KMT2A: variants seen among roughly 807,000 people sequenced by gnomAD.
The protein encoded by KMT2A is lysine methyltransferase 2A, also known as histone-lysine N-methyltransferase 2A.
A neutral mutation model predicts 345.3 loss-of-function variants in KMT2A; 16 were observed. That is an observed-to-expected ratio of 0.05 (90% CI 0.03 to 0.07). The LOEUF (loss-of-function observed/expected upper bound fraction) is 0.07. Ranked by LOEUF, KMT2A falls within the 10% of genes least tolerant of loss-of-function variation. The pLI, the probability that KMT2A is intolerant of heterozygous loss-of-function variation, is 1.00. For missense variants in KMT2A, 3,272 were observed against 4,841.6 expected, an observed-to-expected ratio of 0.68 and a Z score of 9.62; for synonymous variants, 1,599 against 1,778.6, an observed-to-expected ratio of 0.90 and a Z score of 2.54.
Position 118,490,380 on chromosome 11 carries a change from T to C in KMT2A, c.4696+131T>C. ...AAGGATACCATTTAGACACATTTCC[T>C]AAGTTCCTGTTTAGAACTTAGCAAC... On this transcript the variant is annotated intron_variant, in intron 13 of 35. Coordinates refer to ENST00000534358, the MANE Select transcript of KMT2A (RefSeq NM_001197104.2). The surrounding 1 kb of genome is among the most constrained non-coding windows in gnomAD (Gnocchi z 4.2). 1 of 1,008,040 alleles carries C rather than the reference T, an allele frequency of 9.9e-7. No individual in the cohort carries two copies. The highest frequency in any genetic ancestry group is 1.4e-6 in the Non-Finnish European group (1 of 726,944). 62.4% of individuals were successfully genotyped at this position (1,008,040 alleles called of 1,614,324 possible).
At chr11:118,516,612 C>A (rs1950820538) in intron 31 of KMT2A, among the ~76,000 whole-genome samples, 1 of 152,158 alleles carries the variant, frequency 6.6e-6, no homozygotes, top group South Asian at 2.1e-4. Context: ...AGGTACCTTG[C>A]CTGTCTTGCT....
chr11:118,498,564 AAG>A lies in KMT2A; in HGVS notation c.5961+38_5961+39del. ...TTTAGTTGCTTTAAAAAAAAAAAAA[AAG>A]ACTTTTTTAGAGCAGTTTTAGGTTC... On this transcript the variant is annotated intron_variant, in intron 22 of 35. Coordinates refer to ENST00000534358, the MANE Select transcript of KMT2A (RefSeq NM_001197104.2). The surrounding 1 kb of genome is among the most constrained non-coding windows in gnomAD (Gnocchi z 4.4). 6.4e-7 allele frequency: 1 copy of A among 1,554,180 alleles called. No individual in the cohort carries two copies. The highest frequency in any genetic ancestry group is 8.6e-7 in the Non-Finnish European group (1 of 1,156,304).
At position 118,481,882 on chromosome 11, in the gene KMT2A, G is replaced by A. The variant is rs1247990184; in HGVS notation, c.3802G>A (p.Glu1268Lys). The change falls in exon 7 of 36, where the codon GAG becomes AAG. Residue 1268 changes from glutamate to lysine, a missense_variant. This residue lies in a region of KMT2A where 168 missense variants were observed against 216.0 expected (regional missense o/e 0.78). Coordinates refer to ENST00000534358, the MANE Select transcript of KMT2A (RefSeq NM_001197104.2). ...TGAGCCTCCTCCACGAAAGCCCGTC[G>A]AGGAAAAGAGTGAAGAAGGGAATGT... is the stretch of plus-strand genomic sequence containing the variant. Reference protein sequence around the residue: ...SSEPPPRKPVEEKSEEGNVSA... With the variant: ...SSEPPPRKPVKEKSEEGNVSA... 3 of 1,614,160 alleles carry A rather than the reference G, an allele frequency of 1.9e-6. No homozygotes were observed. The highest frequency in any genetic ancestry group is 1.1e-5 in the South Asian group (1 of 91,082).
intron 10 of KMT2A, among the ~76,000 whole-genome samples, chr11:118,488,031 T>A (rs2134325137): frequency 6.6e-6 from 1 of 152,154 alleles, no homozygotes; most frequent in East Asian, 1.9e-4. Context: ...ATACAAAAAA[T>A]TAGCCAGGTG....
In KMT2A at chr11:118,501,084, A is replaced by G; in HGVS notation, c.6256A>G (p.Ile2086Val). The change falls in exon 25 of 36, where the codon ATC (isoleucine) becomes GTC (valine). Residue 2086 changes from isoleucine to valine, a missense_variant. Coordinates refer to ENST00000534358, the MANE Select transcript of KMT2A (RefSeq NM_001197104.2). ...ECRPPVVEPD[I>V]NSTVEHDENR... ...CCGTCCTCCAGTCGTAGAGCCGGAT[A>G]TCAACAGCACTGTTGAACATGATGA... The G allele has an allele frequency of 6.2e-7, 1 of 1,614,086 alleles. No individual in the cohort carries two copies. Among genetic ancestry groups the G allele is most frequent in the Non-Finnish European group, 8.5e-7 (1 of 1,179,942 alleles).
Position 118,468,820 on chromosome 11 carries a change from C to G in KMT2A, c.478C>G (p.Arg160Gly), listed in dbSNP as rs1555034779. Residue 160 changes from arginine to glycine, a missense_variant, in exon 2 of 36, where the codon CGA (arginine) becomes GGA (glycine). This residue lies in a region of KMT2A where 412 missense variants were observed against 511.0 expected (regional missense o/e 0.81). Transcript: ENST00000534358. Reference sequence around the variant, plus strand: ...TGGCTCAGATGAAGAAGTCAGAGTGCGAAGTCCCACAAGGTCTCCTTCAGG... The same window carrying G: ...TGGCTCAGATGAAGAAGTCAGAGTGGGAAGTCCCACAAGGTCTCCTTCAGG... ...GFGSDEEVRV[R>G]SPTRSPSVKT... The G allele has an allele frequency of 6.2e-7, 1 of 1,612,852 alleles. No individual in the cohort carries two copies. The highest frequency in any genetic ancestry group is 8.5e-7 in the Non-Finnish European group (1 of 1,179,100).
chr11:118,439,210 T>G (rs985329641), intron 1 of KMT2A: 12 of 391,972 alleles, frequency 3.1e-5, no homozygotes, highest in Non-Finnish European at 5.5e-5. Context: ...ATTTACCTGC[T>G]TATTTTCAAA....
intron 10 of KMT2A, among the ~76,000 whole-genome samples, chr11:118,486,590 A>G (rs539862844): frequency 6.6e-6 from 1 of 152,190 alleles, no homozygotes; most frequent in African/African-American, 2.4e-5. Flanking sequence ...AAGAAAATCC[A>G]CGTCGGGTGC....
chr11:118,464,086 G>A (rs1434442813), intron 1 of KMT2A, among the ~76,000 whole-genome samples: 5 of 152,216 alleles, frequency 3.3e-5, no homozygotes, highest in East Asian at 1.9e-4. Context: ...ACAAGATGAT[G>A]TTGAAGATGA....
Position 118,503,983 on chromosome 11 carries a change from G to A in KMT2A, c.8091G>A (p.Glu2697=). The change falls in exon 27 of 36, where the codon GAG becomes GAA. Residue 2697 remains glutamate, a synonymous_variant. Transcript: ENST00000534358. The surrounding 1 kb of genome is among the most constrained non-coding windows in gnomAD (Gnocchi z 5.3). ...FTRTVISSGG[E]ERLASHNLFR... is the part of the protein sequence containing the mutation. ...GAACAGTGATTTCTTCAGGTGGAGAGGAACGACTGGCATCCCATAATTTAT... is the reference window on the plus strand; with the variant it reads ...GAACAGTGATTTCTTCAGGTGGAGAAGAACGACTGGCATCCCATAATTTAT... 6.2e-7 allele frequency: 1 copy of A among 1,614,198 alleles called. No individual in the cohort carries two copies. The highest frequency in any genetic ancestry group is 1.7e-5 in the Admixed American group (1 of 60,014).
chr11:118,445,608 T>C (rs1254085576), intron 1 of KMT2A, among the ~76,000 whole-genome samples: 1 of 152,192 alleles, frequency 6.6e-6, no homozygotes, highest in African/African-American at 2.4e-5. Flanking sequence ...AATGCTGAAT[T>C]GTAGGTTGCA....
intron 1 of KMT2A, among the ~76,000 whole-genome samples, chr11:118,446,259 G>A (rs1369237786): frequency 6.6e-6 from 1 of 152,138 alleles, no homozygotes; most frequent in Non-Finnish European, 1.5e-5. Flanking sequence ...TGAGGCATGA[G>A]AATCGCTTGA....
At chr11:118,479,774 G>A (rs1322294639) in intron 5 of KMT2A, among the ~76,000 whole-genome samples, 1 of 152,168 alleles carries the variant, frequency 6.6e-6, no homozygotes, top group African/African-American at 2.4e-5. Flanking sequence ...TAGCATTATA[G>A]TGGTAGACAA....
chr11:118,437,654 A>G (rs548265332), intron 1 of KMT2A, among the ~76,000 whole-genome samples: 1 of 145,338 alleles, frequency 6.9e-6, no homozygotes, highest in Non-Finnish European at 1.5e-5. Context: ...GATAACGGTG[A>G]TTCCTCATAC....
chr11:118,502,393 T>C lies in KMT2A; in HGVS notation c.6506-5T>C, dbSNP rs1555045971. 3.2e-6 allele frequency: 5 copies of C among 1,568,672 alleles called. No homozygotes were observed. The highest frequency in any genetic ancestry group is 2.6e-6 in the Non-Finnish European group (3 of 1,158,956). On this transcript the variant is annotated splice_polypyrimidine_tract_variant and splice_region_variant and intron_variant, in intron 26 of 35. Coordinates refer to ENST00000534358, the MANE Select transcript of KMT2A (RefSeq NM_001197104.2). The surrounding 1 kb of genome is among the most constrained non-coding windows in gnomAD (Gnocchi z 4.9). ...AGCATTTATTACTTTTTCTCTCTTG[T>C]TTAGGAAGTCCTACCCCAACCACTC...
At position 118,502,736 on chromosome 11, in the gene KMT2A, C is replaced by T. The variant is rs1950519775; in HGVS notation, c.6844C>T (p.His2282Tyr). The T allele has an allele frequency of 4.3e-6, 7 of 1,614,050 alleles. No individual in the cohort carries two copies. The highest frequency in any genetic ancestry group is 1.3e-5 in the African/African-American group (1 of 74,946). Residue 2282 changes from histidine (H) to tyrosine (Y), a missense_variant, in exon 27 of 36, where the codon CAC becomes TAC. Transcript: ENST00000534358. The surrounding 1 kb of genome is among the most constrained non-coding windows in gnomAD (Gnocchi z 4.9). ...GGTTACTGTAGGCAATAAAAACAGT[C>T]ACTTGGATGGATCTTCATCTTCAGA... The part of the protein sequence containing the change: ...TVVTVGNKNS[H>Y]LDGSSSSEMK...
chr11:118,450,801 G>A (rs1949520657), intron 1 of KMT2A: 1 of 152,204 alleles, frequency 6.6e-6, no homozygotes, highest in Admixed American at 6.5e-5. Flanking sequence ...GTTCACAAGA[G>A]AATATGATGT....
chr11:118,517,325 G>A (rs1555051842), intron 31 of KMT2A, among the ~76,000 whole-genome samples: 2 of 150,842 alleles, frequency 1.3e-5, no homozygotes, highest in Non-Finnish European at 3.0e-5. Context: ...GAACCCAGGA[G>A]GCAGAGCTTG....
intron 2 of KMT2A, among the ~76,000 whole-genome samples, chr11:118,470,302 G>GTTGTTT (rs1226203106): frequency 6.6e-6 from 1 of 152,008 alleles, no homozygotes; most frequent in Non-Finnish European, 1.5e-5. Flanking sequence ...TTGTTTGTTT[G>GTTGTTT]TTGTTTTTGT....
Sources: allele counts gnomAD v4.1 joint callset (sites outside exome capture counted in the v4.1 genomes callset), GRCh38; gene constraint gnomAD v4.1.1; regional missense constraint gnomAD v4.1.1; non-coding constraint Gnocchi (gnomAD v3.1); transcripts MANE v1.5; gene names NCBI Gene and HGNC (gene_info 2026-07-23, HGNC 2026-07-21).